CCDC154: variants seen among roughly 807,000 people sequenced by gnomAD.
CCDC154 encodes coiled-coil domain-containing protein 154.
In CCDC154, 91 loss-of-function variants were observed where a neutral mutation model predicts 87.5. The ratio of observed to expected loss-of-function variants is 1.04; its 90% CI spans 0.88 to 1.24. The LOEUF is 1.24. Ranked by LOEUF, CCDC154 falls within the 50% of genes most tolerant of loss-of-function variation. The probability of loss-of-function intolerance (pLI) is 0.00; values close to 1 mark genes in which losing one functional copy is unlikely to be tolerated. For synonymous variants in CCDC154, 418 were observed against 400.4 expected, an observed-to-expected ratio of 1.04 and a Z score of -0.52; for missense variants, 903 against 879.2, an observed-to-expected ratio of 1.03 and a Z score of -0.34.
chr16:1,436,331 G>A lies in CCDC154; in HGVS notation c.1487+114C>T. 3.9e-6 allele frequency: 4 copies of A among 1,034,870 alleles called. No individual in the cohort carries two copies. The South Asian group carries it at 4.3e-5, about 11-fold the overall frequency. 64.1% of individuals were successfully genotyped at this position (1,034,870 alleles called of 1,614,324 possible). ...GGTGCTGGGCCAGGCCCGGGCTCAGGGGGAACAGGTCTGTCACGATACCAG... is the reference window on the plus strand; with the variant it reads ...GGTGCTGGGCCAGGCCCGGGCTCAGAGGGAACAGGTCTGTCACGATACCAG... On this transcript the variant is annotated intron_variant, in intron 13 of 16. Transcript: ENST00000389176.
Position 1,436,732 on chromosome 16 carries a change from A to C in CCDC154, c.1370T>G (p.Leu457Arg). ...ATCCACCTTCTCCCGCACCCCTCGCAGGTGTTCGGTCACCTCCTTCCGCCA... is the reference window on the plus strand; with the variant it reads ...ATCCACCTTCTCCCGCACCCCTCGCCGGTGTTCGGTCACCTCCTTCCGCCA... ...ARWRKEVTEH[L>R]RGVREKVDGL... Residue 457 changes from leucine (L) to arginine (R), a missense_variant, in exon 12 of 17, where the codon CTG (leucine) becomes CGG (arginine). Leu to Arg is a moderately radical substitution (Grantham distance 102). Transcript: ENST00000389176. 6 of 1,550,406 alleles carry C rather than the reference A, an allele frequency of 3.9e-6. No individual in the cohort carries two copies. Among genetic ancestry groups the C allele is most frequent in the Non-Finnish European group, 4.4e-6 (5 of 1,146,940 alleles).
At chr16:1,436,145 C>T (rs974064964) in intron 13 of CCDC154, 59 bp from the exon 14 acceptor site, 18 of 1,425,818 alleles carry the variant, frequency 1.3e-5, no homozygotes, top group African/African-American at 1.1e-4. Flanking sequence ...GGGCCAGGAC[C>T]GGGGACAAAG....
intron 6 of CCDC154, among the ~76,000 whole-genome samples, chr16:1,441,907 T>C (rs1247632787): frequency 7.6e-6 from 1 of 131,640 alleles, no homozygotes; most frequent in African/African-American, 2.6e-5. Context: ...GCACGTGGCC[T>C]GAGCTTTTGT....
chr16:1,442,720 C>T (rs569995920), intron 5 of CCDC154, among the ~76,000 whole-genome samples, 160 bp downstream of exon 5: 17 of 152,342 alleles, frequency 1.1e-4, no homozygotes, highest in East Asian at 5.8e-4. Context: ...ACAGAGGGTC[C>T]GCAGCGGGCC....
At chr16:1,440,467 G>GGAAGAGAAGAGAAGAGAAGA (rs928802346) in intron 6 of CCDC154, among the ~76,000 whole-genome samples, 2 of 148,564 alleles carry the variant, frequency 1.3e-5, no homozygotes, top group Admixed American at 6.8e-5. Context: ...AAAAGAGAAG[G>GGAAGAGAAGAGAAGAGAAGA]GAAGAGAAGA....
intron 14 of CCDC154, 51 bp downstream of exon 14, chr16:1,435,918 C>G: frequency 6.8e-7 from 1 of 1,466,032 alleles, no homozygotes. Flanking sequence ...CCCGTCTGAA[C>G]CTGATGGCTC....
At position 1,436,792 on chromosome 16, in the gene CCDC154, C is replaced by A. The variant is rs948345742; in HGVS notation, c.1310G>T (p.Gly437Val). 5.2e-6 allele frequency: 8 copies of A among 1,550,448 alleles called. No individual in the cohort carries two copies. In the African/African-American group the frequency reaches 8.2e-5, roughly 16 times the overall value. ...RLSEAKTEWE[G>V]AERKSLEDLA... is the part of the protein sequence containing the mutation. ...GTCCTCCAGGGACTTCCTCTCTGCA[C>A]CTTCCCATTCGGTCTTTGCCTGGGG... Residue 437 changes from glycine (G) to valine (V), a missense_variant, in exon 12 of 17, where the codon GGT (glycine) becomes GTT (valine). Coordinates refer to ENST00000389176, the MANE Select transcript of CCDC154 (RefSeq NM_001143980.3).
chr16:1,442,571 A>T (rs2038561711), intron 5 of CCDC154, 42 bp from the exon 6 acceptor site: 1 of 1,483,224 alleles, frequency 6.7e-7, no homozygotes, highest in Non-Finnish European at 9.0e-7. Flanking sequence ...AGCTGGCCGG[A>T]GGGCCCAGCA....
At chr16:1,440,812 G>A (rs1178753707) in intron 6 of CCDC154, among the ~76,000 whole-genome samples, 2 of 151,590 alleles carry the variant, frequency 1.3e-5, no homozygotes, top group Non-Finnish European at 3.0e-5. Context: ...TTAGCCGGGC[G>A]TGGTGGTGGG....
intron 5 of CCDC154, 118 bp downstream of exon 5, chr16:1,442,762 G>A (rs1351659722): frequency 6.1e-6 from 7 of 1,148,342 alleles, no homozygotes; most frequent in South Asian, 3.0e-5. Context: ...CACCGAGGGC[G>A]GTGCCCCGCC....
intron 11 of CCDC154, 142 bp from the exon 12 acceptor site, chr16:1,436,953 C>T (rs564369409): frequency 4.2e-5 from 52 of 1,225,366 alleles, no homozygotes; most frequent in Non-Finnish European, 5.5e-5. Flanking sequence ...GGCCTGCAGG[C>T]GGCTGGGATG....
chr16:1,440,145 GA>G (rs35755175), intron 6 of CCDC154, among the ~76,000 whole-genome samples: 45,908 of 102,016 alleles, frequency 0.45, 9,824 homozygotes, highest in East Asian at 0.76. Flanking sequence ...GAGACTGTCA[GA>G]AAAAAAAAAA....
chr16:1,437,573 C>T lies in CCDC154; in HGVS notation c.1290+244G>A, dbSNP rs979252180. On this transcript the variant is annotated intron_variant, in intron 11 of 16. Coordinates refer to ENST00000389176, the MANE Select transcript of CCDC154 (RefSeq NM_001143980.3). The stretch of plus-strand genomic sequence containing the variant: ...CTGCCCGCATGGCCGGGCCGTGGGC[C>T]GAGGCTCCAGCTCGGGCCTCACGGG... 5.2e-5 allele frequency: 25 copies of T among 484,712 alleles called. No individual in the cohort carries two copies. In the South Asian group the frequency reaches 7.7e-4, roughly 15 times the overall value. The allele number at this position is 484,712 out of a possible 1,614,324, so 30.0% of individuals were successfully genotyped here. A position where few individuals can be genotyped will look rare whatever the true frequency, so the allele number is the denominator to read the frequency against.
chr16:1,435,900 A>T, intron 14 of CCDC154, 69 bp downstream of exon 14: 1 of 1,336,300 alleles, frequency 7.5e-7, no homozygotes, highest in Non-Finnish European at 1.0e-6. Flanking sequence ...GCCTCTCCGC[A>T]CGGCTGCCCC....
rs1460155385 is a variant in CCDC154, at chr16:1,436,013, T to C, written c.1561A>G (p.Asn521Asp). 6.5e-7 allele frequency: 1 copy of C among 1,550,202 alleles called. No individual in the cohort carries two copies. The highest frequency in any genetic ancestry group is 8.7e-7 in the Non-Finnish European group (1 of 1,146,874). Residue 521 changes from asparagine to aspartate, a missense_variant, in exon 14 of 17, where the codon AAC becomes GAC. Asn to Asp is a conservative substitution (Grantham distance 23). Coordinates refer to ENST00000389176, the MANE Select transcript of CCDC154 (RefSeq NM_001143980.3). ...ATCTCCGCGATCTTCCGCCCAGGGT[T>C]GTCTTCCTTTAGCAGCTGCACGGAT... ...LSSVQLLKEDNPGRKIAEMQG... is the reference protein window; with the variant it reads ...LSSVQLLKEDDPGRKIAEMQG...
At chr16:1,442,859 C>T (rs113953823) in intron 5 of CCDC154, 21 bp downstream of exon 5, 36,979 of 1,545,372 alleles carry the variant, frequency 0.024, 606 homozygotes, top group Non-Finnish European at 0.026. Context: ...CCGGAGCCAG[C>T]CACGGGCGGT....
At chr16:1,437,976 G>A (rs775454545) in intron 10 of CCDC154, 22 bp from the exon 11 acceptor site, 85 of 1,538,708 alleles carry the variant, frequency 5.5e-5, no homozygotes, top group African/African-American at 1.5e-4. Context: ...AGGTGGGCAC[G>A]GGGAGGCCTG....
chr16:1,442,006 T>A (rs1485345883), intron 6 of CCDC154, among the ~76,000 whole-genome samples: 1 of 152,210 alleles, frequency 6.6e-6, no homozygotes, highest in Non-Finnish European at 1.5e-5. Context: ...GACCTCCTCC[T>A]GCTGGATTCA....
At chr16:1,436,115 G>C in intron 13 of CCDC154, 29 bp from the exon 14 acceptor site, 1 of 1,535,742 alleles carries the variant, frequency 6.5e-7, no homozygotes, top group Non-Finnish European at 8.8e-7. Flanking sequence ...GAGGCTGGCT[G>C]TCGGGTGTGC....
Sources: gnomAD v4.1 joint callset for allele counts (sites outside exome capture counted in the v4.1 genomes callset) on GRCh38, gnomAD v4.1.1 for gene constraint, MANE v1.5 for transcripts, NCBI Gene and HGNC (gene_info 2026-07-23, HGNC 2026-07-21) for gene names.